Variants in MED28 observed in about 807,000 individuals in gnomAD.
The protein encoded by MED28 is mediator of RNA polymerase II transcription subunit 28.
A neutral mutation model predicts 21.3 loss-of-function variants in MED28; 26 were observed. That is an observed-to-expected ratio of 1.22 (90% CI 0.89 to 1.69). The LOEUF (loss-of-function observed/expected upper bound fraction) is 1.69. Ranked by LOEUF, MED28 falls within the 40% of genes most tolerant of loss-of-function variation. The pLI is 0.00. For missense variants in MED28, 257 were observed against 215.4 expected, an observed-to-expected ratio of 1.19 and a Z score of -1.21; for synonymous variants, 110 against 87.6, an observed-to-expected ratio of 1.26 and a Z score of -1.43.
Position 17,623,754 on chromosome 4 carries a change from G to A in MED28, c.493G>A (p.Glu165Lys). 4 of 1,614,204 alleles carry A rather than the reference G, an allele frequency of 2.5e-6. No homozygotes were observed. The highest frequency in any genetic ancestry group is 3.4e-6 in the Non-Finnish European group (4 of 1,180,026). Residue 165 changes from glutamate (E) to lysine (K), a missense_variant, in exon 4 of 4, where the codon GAG (glutamate) becomes AAG (lysine). Coordinates refer to ENST00000237380, the MANE Select transcript of MED28 (RefSeq NM_025205.5). ...DIPQGSLAYL[E>K]QASANIPAPL... The stretch of plus-strand genomic sequence containing the variant: ...CCCTCAGGGCTCCTTGGCCTACCTG[G>A]AGCAGGCATCTGCCAACATCCCTGC...
At chr4:17,618,177 A>G (rs1255922720) in intron 1 of MED28, among the ~76,000 whole-genome samples, 2 of 151,484 alleles carry the variant, frequency 1.3e-5, no homozygotes, top group African/African-American at 4.9e-5. Flanking sequence ...ACGCCTGACT[A>G]ATTTTTGTTT....
At chr4:17,614,955 T>C (rs1690701394) in intron 1 of MED28, 142 bp downstream of exon 1, 1 of 1,092,246 alleles carries the variant, frequency 9.2e-7, no homozygotes, top group Non-Finnish European at 1.3e-6. Flanking sequence ...TCACTTGCTT[T>C]AGGCTTCCCC....
chr4:17,629,700 C>G lies in MED28; in HGVS notation c.*5902C>G, dbSNP rs1451173627. On this transcript the variant is annotated 3_prime_UTR_variant, in exon 4 of 4. Transcript: ENST00000237380. ...AATTTCTCTTCATCTTCACTGTCAC[C>G]TCTACGCCATCACTGTCATCTCTAG... 1 of 152,206 alleles carries G rather than the reference C, an allele frequency of 6.6e-6. No individual in the cohort carries two copies. The highest frequency in any genetic ancestry group is 2.4e-5 in the African/African-American group (1 of 41,450). 9.4% of individuals were successfully genotyped at this position (152,206 alleles called of 1,614,324 possible).
At chr4:17,621,552 T>C (rs1560157847) in intron 2 of MED28, 35 bp from the exon 3 acceptor site, 1 of 1,411,988 alleles carries the variant, frequency 7.1e-7, no homozygotes, top group East Asian at 2.3e-5. Context: ...CTGTTGTTTT[T>C]CTTATTTTAA....
rs1285583791 is a variant in MED28 at position 17,623,705 on chromosome 4, G to T, written c.444G>T (p.Val148=). The change falls in exon 4 of 4, where the codon GTG becomes GTT. Residue 148 remains valine (V), a synonymous_variant. Transcript: ENST00000237380. ...AGCAGGTGCTGGAGGACATCAACGT[G>T]CAGCACAAAAAGCCCGCCGACATCC... is the stretch of plus-strand genomic sequence containing the variant. ...HWQQVLEDIN[V]QHKKPADIPQ... is the part of the protein sequence containing the mutation. 25 of 1,614,082 alleles carry T rather than the reference G, an allele frequency of 1.5e-5. No individual in the cohort carries two copies. The highest frequency in any genetic ancestry group is 2.7e-5 in the African/African-American group (2 of 74,916).
Position 17,632,492 on chromosome 4 carries a change from G to A in MED28, c.*8694G>A. ...TTCAATCGGATGATTTAAAATAAAT[G>A]TTTTTCAAGTATCCTCTGTGATGTA... On this transcript the variant is annotated 3_prime_UTR_variant, in exon 4 of 4. Coordinates refer to ENST00000237380, the MANE Select transcript of MED28 (RefSeq NM_025205.5). The A allele has an allele frequency of 7.0e-7, 1 of 1,426,484 alleles. No homozygotes were observed. The highest frequency in any genetic ancestry group is 2.2e-5 in the Admixed American group (1 of 45,016). The allele number at this position is 1,426,484 out of a possible 1,614,324, so 88.4% of individuals were successfully genotyped here. A position where few individuals can be genotyped will look rare whatever the true frequency, so the allele number is the denominator to read the frequency against.
intron 2 of MED28, among the ~76,000 whole-genome samples, chr4:17,620,513 A>G (rs1048987283): frequency 1.3e-5 from 2 of 152,040 alleles, no homozygotes; most frequent in African/African-American, 4.8e-5. Context: ...TTATATTTTT[A>G]GTAGAGACGG....
In MED28 at chr4:17,632,043, ATTTTTTTTTTTTTT is replaced by A. The variant is rs199549580; in HGVS notation, c.*8276_*8289del. ...TTTTAATAACACTGGTTTAATGTCA[ATTTTTTTTTTTTTT>A]TTTTTTTTTTTTTTTTTTTTTTTTT... On this transcript the variant is annotated 3_prime_UTR_variant, in exon 4 of 4. Transcript: ENST00000237380. The A allele has an allele frequency of 2.8e-4, 33 of 117,604 alleles. No individual in the cohort carries two copies. The highest frequency in any genetic ancestry group is 1.4e-3 in the South Asian group (5 of 3,604). 7.3% of individuals were successfully genotyped at this position (117,604 alleles called of 1,614,324 possible). A position where few individuals can be genotyped will look rare whatever the true frequency, so the allele number is the denominator to read the frequency against.
At position 17,628,276 on chromosome 4, in the gene MED28, G is replaced by GTGTGTGTGTGTGTGTGTGTA. The variant is rs1714820415; in HGVS notation, c.*4493_*4494insGTGTATGTGTGTGTGTGTGT. On this transcript the variant is annotated 3_prime_UTR_variant, in exon 4 of 4. Coordinates refer to ENST00000237380, the MANE Select transcript of MED28 (RefSeq NM_025205.5). Reference sequence around the variant, plus strand: ...CTGCCGTGTGTGTGTGTGTGTGTGTGTGTGTGTGTGTGTGTATGTGTATAT... The same window carrying GTGTGTGTGTGTGTGTGTGTA: ...CTGCCGTGTGTGTGTGTGTGTGTGTGTGTGTGTGTGTGTGTGTGTATGTGTGTGTGTGTGTATGTGTATAT... 6.6e-6 allele frequency: 1 copy of GTGTGTGTGTGTGTGTGTGTA among 151,978 alleles called. No homozygotes were observed. The highest frequency in any genetic ancestry group is 1.9e-4 in the East Asian group (1 of 5,184). The allele number at this position is 151,978 out of a possible 1,614,324, so 9.4% of individuals were successfully genotyped here.
In MED28 at chr4:17,623,938, T is replaced by G. The variant is rs1714707015; in HGVS notation, c.*140T>G. The G allele has an allele frequency of 1.1e-6, 1 of 882,886 alleles. No individual in the cohort carries two copies. Among genetic ancestry groups the G allele is most frequent in the Non-Finnish European group, 1.7e-6 (1 of 580,008 alleles). The allele number at this position is 882,886 out of a possible 1,614,324, so 54.7% of individuals were successfully genotyped here. ...TTAGTTTTATGCTCCCATTGAAAAA[T>G]TTTCCACTATTTTTATAAGCTGTTA... On this transcript the variant is annotated 3_prime_UTR_variant, in exon 4 of 4. Transcript: ENST00000237380.
chr4:17,626,791 G>T lies in MED28; in HGVS notation c.*2993G>T, dbSNP rs1714780069. 1 of 152,204 alleles carries T rather than the reference G, an allele frequency of 6.6e-6. No homozygotes were observed. The highest frequency in any genetic ancestry group is 1.5e-5 in the Non-Finnish European group (1 of 68,118). 9.4% of individuals were successfully genotyped at this position (152,204 alleles called of 1,614,324 possible). The stretch of plus-strand genomic sequence containing the variant: ...GGCCCACCCAGCCATCAGGTAGCCT[G>T]TGTGTTCTACAAACAGCAGCTGGCA... On this transcript the variant is annotated 3_prime_UTR_variant, in exon 4 of 4. Coordinates refer to ENST00000237380, the MANE Select transcript of MED28 (RefSeq NM_025205.5).
At position 17,629,871 on chromosome 4, in the gene MED28, T is replaced by A. The variant is rs1290468916; in HGVS notation, c.*6073T>A. 6.6e-6 allele frequency: 1 copy of A among 152,234 alleles called. No homozygotes were observed. The highest frequency in any genetic ancestry group is 1.5e-5 in the Non-Finnish European group (1 of 68,046). The allele number at this position is 152,234 out of a possible 1,614,324, so 9.4% of individuals were successfully genotyped here. A position where few individuals can be genotyped will look rare whatever the true frequency, so the allele number is the denominator to read the frequency against. On this transcript the variant is annotated 3_prime_UTR_variant, in exon 4 of 4. Transcript: ENST00000237380. ...TAAGGGTGTAAATTGTTAGAAACTTTCTGAATGGCAGTTTGGTAATAACAA... is the reference window on the plus strand; with the variant it reads ...TAAGGGTGTAAATTGTTAGAAACTTACTGAATGGCAGTTTGGTAATAACAA...
chr4:17,628,284 G>GTGTGTGTGTGTGTGTATGTA lies in MED28; in HGVS notation c.*4493_*4494insGTGTGTGTATGTATGTGTGT, dbSNP rs1714821538. 2.0e-5 allele frequency: 3 copies of GTGTGTGTGTGTGTGTATGTA among 149,646 alleles called. No homozygotes were observed. Among genetic ancestry groups the GTGTGTGTGTGTGTGTATGTA allele is most frequent in the African/African-American group, 7.5e-5 (3 of 39,784 alleles). The allele number at this position is 149,646 out of a possible 1,614,324, so 9.3% of individuals were successfully genotyped here. A position where few individuals can be genotyped will look rare whatever the true frequency, so the allele number is the denominator to read the frequency against. On this transcript the variant is annotated 3_prime_UTR_variant, in exon 4 of 4. Coordinates refer to ENST00000237380, the MANE Select transcript of MED28 (RefSeq NM_025205.5). ...TGTGTGTGTGTGTGTGTGTGTGTGT[G>GTGTGTGTGTGTGTGTATGTA]TGTGTGTATGTGTATATGCGTATAT...
intron 3 of MED28, among the ~76,000 whole-genome samples, chr4:17,622,851 G>A (rs1456161648): frequency 6.6e-6 from 1 of 152,184 alleles, no homozygotes; most frequent in Non-Finnish European, 1.5e-5. Flanking sequence ...CAAGAGAAGA[G>A]AGCTTGTGCA....
At position 17,628,280 on chromosome 4, in the gene MED28, G is replaced by GTA. The variant is rs1553825987; in HGVS notation, c.*4483_*4484insAT. Reference sequence around the variant, plus strand: ...CGTGTGTGTGTGTGTGTGTGTGTGTGTGTGTGTGTGTATGTGTATATGCGT... The same window carrying GTA: ...CGTGTGTGTGTGTGTGTGTGTGTGTGTATGTGTGTGTGTATGTGTATATGCGT... On this transcript the variant is annotated 3_prime_UTR_variant, in exon 4 of 4. Transcript: ENST00000237380. 1.3e-5 allele frequency: 2 copies of GTA among 151,350 alleles called. No homozygotes were observed. The highest frequency in any genetic ancestry group is 2.9e-5 in the Non-Finnish European group (2 of 68,262). 9.4% of individuals were successfully genotyped at this position (151,350 alleles called of 1,614,324 possible). A position where few individuals can be genotyped will look rare whatever the true frequency, so the allele number is the denominator to read the frequency against.
At chr4:17,615,329 C>T (rs1714416839) in intron 1 of MED28, among the ~76,000 whole-genome samples, 2 of 151,990 alleles carry the variant, frequency 1.3e-5, no homozygotes, top group South Asian at 4.2e-4. Flanking sequence ...CACAGGTGAC[C>T]CAATCTCTCA....
chr4:17,621,268 T>TC (rs1714621106), intron 2 of MED28, among the ~76,000 whole-genome samples: 1 of 152,132 alleles, frequency 6.6e-6, no homozygotes, highest in Admixed American at 6.6e-5. Flanking sequence ...CACCTCGGCC[T>TC]CCCAGAGTGC....
At chr4:17,619,363 A>G (rs193086733) in intron 1 of MED28, among the ~76,000 whole-genome samples, 485 of 152,360 alleles carry the variant, frequency 3.2e-3, no homozygotes, top group Non-Finnish European at 5.3e-3. Context: ...ACAGTGGTGA[A>G]TAAGACAGAC....
At chr4:17,617,287 T>A (rs143362703) in intron 1 of MED28, among the ~76,000 whole-genome samples, 3 of 152,324 alleles carry the variant, frequency 2.0e-5, no homozygotes, top group Non-Finnish European at 4.4e-5. Flanking sequence ...GGACCTCAAT[T>A]TTCACAGCCT....
Sources: allele counts gnomAD v4.1 joint callset (sites outside exome capture counted in the v4.1 genomes callset), GRCh38; gene constraint gnomAD v4.1.1; transcripts MANE v1.5; gene names NCBI Gene and HGNC (gene_info 2026-07-23, HGNC 2026-07-21).